FNBP1L: variants seen among roughly 807,000 people sequenced by gnomAD.
The protein encoded by FNBP1L is formin-binding protein 1-like.
Under a neutral mutation model 91.2 loss-of-function variants are expected in FNBP1L, and 36 were observed. The ratio of observed to expected loss-of-function variants is 0.39; its 90% CI spans 0.30 to 0.52. FNBP1L has a LOEUF of 0.52. Among genes scored for constraint, FNBP1L ranks in the 20% least tolerant of loss-of-function variants. FNBP1L has a pLI of 0.66. For missense variants in FNBP1L, 571 were observed against 732.1 expected (o/e 0.78, Z 2.54); for synonymous variants, 242 against 237.0 (o/e 1.02, Z -0.19).
intron 8 of FNBP1L, among the ~76,000 whole-genome samples, chr1:93,533,719 T>C (rs1557814844): frequency 1.3e-5 from 2 of 152,176 alleles, no homozygotes; most frequent in South Asian, 4.1e-4. Flanking sequence ...GTAGATATTA[T>C]ATTAGTGAGG....
At chr1:93,476,143 G>A (rs1669486795) in intron 1 of FNBP1L, among the ~76,000 whole-genome samples, 2 of 152,044 alleles carry the variant, frequency 1.3e-5, no homozygotes, top group Non-Finnish European at 2.9e-5. Context: ...GTGAAATATT[G>A]GACTGAACAC....
chr1:93,461,322 A>G (rs1258622061), intron 1 of FNBP1L, among the ~76,000 whole-genome samples: 2 of 152,114 alleles, frequency 1.3e-5, no homozygotes, highest in Non-Finnish European at 2.9e-5. Flanking sequence ...TGTCACATAT[A>G]CCATTGCTGT....
At position 93,553,345 on chromosome 1, in the gene FNBP1L, C is replaced by T. The variant is rs1337192649; in HGVS notation, c.*929C>T. ...TGCCAACACTACCACTACAGTATCCCACAAAGGGCTTTATGTGTCAGCTCA... is the reference window on the plus strand; with the variant it reads ...TGCCAACACTACCACTACAGTATCCTACAAAGGGCTTTATGTGTCAGCTCA... On this transcript the variant is annotated 3_prime_UTR_variant, in exon 17 of 17. Coordinates refer to ENST00000271234, the MANE Select transcript of FNBP1L (RefSeq NM_001164473.3). 1.3e-5 allele frequency: 2 copies of T among 152,686 alleles called. No individual in the cohort carries two copies. The highest frequency in any genetic ancestry group is 2.9e-5 in the Non-Finnish European group (2 of 68,054). 9.5% of individuals were successfully genotyped at this position (152,686 alleles called of 1,614,324 possible).
chr1:93,474,418 C>T (rs1348111635), intron 1 of FNBP1L, among the ~76,000 whole-genome samples: 4 of 152,146 alleles, frequency 2.6e-5, no homozygotes, highest in African/African-American at 9.7e-5. Context: ...AAAGAGAGCA[C>T]AGACAGGGCC....
intron 2 of FNBP1L, among the ~76,000 whole-genome samples, chr1:93,514,634 C>A (rs1671005654): frequency 6.6e-6 from 1 of 152,182 alleles, no homozygotes; most frequent in Non-Finnish European, 1.5e-5. Flanking sequence ...GCTATCTGAT[C>A]TTTGACAAAC....
In FNBP1L at chr1:93,554,523, A is replaced by G. The variant is rs1672513537; in HGVS notation, c.*2107A>G. The G allele has an allele frequency of 6.5e-6, 1 of 152,682 alleles. No individual in the cohort carries two copies. Among genetic ancestry groups the G allele is most frequent in the Non-Finnish European group, 1.5e-5 (1 of 68,050 alleles). 9.5% of individuals were successfully genotyped at this position (152,682 alleles called of 1,614,324 possible). A position where few individuals can be genotyped will look rare whatever the true frequency, so the allele number is the denominator to read the frequency against. On this transcript the variant is annotated 3_prime_UTR_variant, in exon 17 of 17. Coordinates refer to ENST00000271234, the MANE Select transcript of FNBP1L (RefSeq NM_001164473.3). ...AATTTTGAACATGTGAATTGTCCCA[A>G]AAAATCTTTAATTTTTTGGTAATTT...
intron 1 of FNBP1L, among the ~76,000 whole-genome samples, chr1:93,472,055 G>A (rs867778041): frequency 2.0e-4 from 31 of 152,294 alleles, no homozygotes; most frequent in African/African-American, 7.0e-4. Context: ...TTTAAAGGCA[G>A]TAACAACCAT....
intron 1 of FNBP1L, among the ~76,000 whole-genome samples, chr1:93,455,868 T>C (rs1376027376): frequency 2.0e-5 from 3 of 152,260 alleles, no homozygotes; most frequent in South Asian, 4.1e-4. Context: ...TTCCTTTTTT[T>C]CCCAAAATAA....
intron 12 of FNBP1L, among the ~76,000 whole-genome samples, chr1:93,544,726 T>C (rs1672162252): frequency 6.6e-6 from 1 of 152,198 alleles, no homozygotes; most frequent in South Asian, 2.1e-4. Context: ...TAAAGTGTTA[T>C]TACAATGAAT....
intron 1 of FNBP1L, among the ~76,000 whole-genome samples, chr1:93,457,855 G>A (rs1570759521): frequency 6.6e-6 from 1 of 151,288 alleles, no homozygotes; most frequent in African/African-American, 2.4e-5. Context: ...GCAGTGGCAC[G>A]ATCTTGGCTC....
chr1:93,513,050 G>A (rs576618117), intron 2 of FNBP1L, among the ~76,000 whole-genome samples: 19 of 152,098 alleles, frequency 1.2e-4, no homozygotes, highest in African/African-American at 3.9e-4. Flanking sequence ...AAAGAGAGAA[G>A]AATCAAATAG....
intron 1 of FNBP1L, among the ~76,000 whole-genome samples, chr1:93,470,123 T>C (rs1011001577): frequency 3.3e-5 from 5 of 152,210 alleles, no homozygotes; most frequent in Non-Finnish European, 5.9e-5. Context: ...ATGTTAGCTA[T>C]GCTCTCTTTT....
intron 1 of FNBP1L, among the ~76,000 whole-genome samples, chr1:93,498,436 A>C (rs2101724013): frequency 6.6e-6 from 1 of 152,356 alleles, no homozygotes; most frequent in Non-Finnish European, 1.5e-5. Flanking sequence ...ATAATCAGAA[A>C]GTTTCGTGGA....
intron 4 of FNBP1L, among the ~76,000 whole-genome samples, chr1:93,523,763 TG>T: frequency 6.6e-6 from 1 of 152,336 alleles, no homozygotes. Flanking sequence ...TATTTTTAGA[TG>T]GTTGAAAAAA....
intron 1 of FNBP1L, among the ~76,000 whole-genome samples, chr1:93,463,141 C>A (rs1668932893): frequency 1.3e-5 from 2 of 152,162 alleles, no homozygotes; most frequent in African/African-American, 4.8e-5. Context: ...TTTTAACACA[C>A]TGCCATCAAT....
rs765950257 is a variant in FNBP1L at position 93,473,929 on chromosome 1, T to C, written c.25-25539T>C. Reference sequence around the variant, plus strand: ...GCTGCGTGACGGGATCTATGGCCTTTAGTAGGGGAATATAGGAAATTTACA... The same window carrying C: ...GCTGCGTGACGGGATCTATGGCCTTCAGTAGGGGAATATAGGAAATTTACA... On this transcript the variant is annotated intron_variant, in intron 1 of 16. Coordinates refer to ENST00000271234, the MANE Select transcript of FNBP1L (RefSeq NM_001164473.3). Among the ~76,000 whole-genome samples the C allele has an allele frequency of 9.7e-4, 147 of 152,190 alleles. 2 individuals carry two copies. The highest frequency in any genetic ancestry group is 4.6e-4 in the Non-Finnish European group (31 of 68,002).
At chr1:93,503,452 A>G (rs1285934455) in intron 2 of FNBP1L, among the ~76,000 whole-genome samples, 5 of 152,162 alleles carry the variant, frequency 3.3e-5, no homozygotes, top group Non-Finnish European at 5.9e-5. Context: ...ATGTTAAGCA[A>G]TTACATTTTA....
At chr1:93,479,523 C>T (rs1296805605) in intron 1 of FNBP1L, among the ~76,000 whole-genome samples, 1 of 152,012 alleles carries the variant, frequency 6.6e-6, no homozygotes, top group Non-Finnish European at 1.5e-5. Context: ...GAGACCAGGG[C>T]GTATTTCAGT....
chr1:93,529,488 C>T (rs925195724), intron 5 of FNBP1L, among the ~76,000 whole-genome samples, 164 bp from the exon 6 acceptor site: 4 of 151,992 alleles, frequency 2.6e-5, no homozygotes, highest in African/African-American at 9.7e-5. Flanking sequence ...ATGTGCAGGA[C>T]GTGCAGGTTT....
Sources: allele counts gnomAD v4.1 joint callset (sites outside exome capture counted in the v4.1 genomes callset), GRCh38; gene constraint gnomAD v4.1.1; transcripts MANE v1.5; gene names NCBI Gene and HGNC (gene_info 2026-07-23, HGNC 2026-07-21).